Variants in GLRA2 observed in about 807,000 individuals in gnomAD.
The protein encoded by GLRA2 is glycine receptor alpha 2.
Under a neutral mutation model 31.6 loss-of-function variants are expected in GLRA2, and 11 were observed. That is an observed-to-expected ratio of 0.35 (90% CI 0.22 to 0.58). GLRA2 has a LOEUF of 0.58. Among genes scored for constraint, GLRA2 ranks in the 20% least tolerant of loss-of-function variants. The pLI, the probability that GLRA2 is intolerant of heterozygous loss-of-function variation, is 0.84. For missense variants in GLRA2, 212 were observed against 351.8 expected, an observed-to-expected ratio of 0.60 and a Z score of 3.18; for synonymous variants, 132 against 134.0, an observed-to-expected ratio of 0.99 and a Z score of 0.10.
chrX:14,549,156 A>T (rs2089522106), intron 2 of GLRA2, among the ~76,000 whole-genome samples: 1 of 111,993 alleles, frequency 8.9e-6, no homozygotes, highest in African/African-American at 3.2e-5. Flanking sequence ...ATTGAGAGCA[A>T]ATAGGTGTTC....
intron 7 of GLRA2, among the ~76,000 whole-genome samples, chrX:14,616,098 C>T (rs1051825565): frequency 3.6e-5 from 4 of 111,595 alleles, no homozygotes; most frequent in Middle Eastern, 4.6e-3. Context: ...GTTGTCTTTC[C>T]CACCCTCAGA....
intron 3 of GLRA2, among the ~76,000 whole-genome samples, chrX:14,575,555 G>A (rs1297800194): frequency 9.2e-6 from 1 of 109,280 alleles, no homozygotes; most frequent in East Asian, 2.9e-4. Context: ...TCAAACTCCT[G>A]GGCTCAAACG....
At chrX:14,494,651 G>A in the GLRA2 span, among the ~76,000 whole-genome samples, 1 of 111,382 alleles carries the variant, frequency 9.0e-6, no homozygotes, top group Non-Finnish European at 1.9e-5. Flanking sequence ...GACTTTCACT[G>A]GAAAACTGGG....
chrX:14,483,443 AG>A, the GLRA2 span, among the ~76,000 whole-genome samples: 1 of 112,133 alleles, frequency 8.9e-6, no homozygotes, highest in East Asian at 2.8e-4. Context: ...CCTACTTCAT[AG>A]GGTTATAGTA....
At chrX:14,644,152 C>T (rs1053981033) in intron 7 of GLRA2, among the ~76,000 whole-genome samples, 1 of 111,817 alleles carries the variant, frequency 8.9e-6, no homozygotes, top group Non-Finnish European at 1.9e-5. Context: ...TTTCTCTACA[C>T]TCCTGACCTC....
chrX:14,574,734 A>G lies in GLRA2; in HGVS notation c.270+334A>G, dbSNP rs191267113. On this transcript the variant is annotated intron_variant, in intron 3 of 8. Transcript: ENST00000218075. Reference sequence around the variant, plus strand: ...TAAAGTCATTTGTCAAGTGTTCATTACTTAATATTCAGTGATCTTATATCT... The same window carrying G: ...TAAAGTCATTTGTCAAGTGTTCATTGCTTAATATTCAGTGATCTTATATCT... Among the ~76,000 whole-genome samples, 619 of 112,194 alleles carry G rather than the reference A, an allele frequency of 5.5e-3. 3 individuals are homozygous for G. Among genetic ancestry groups the G allele is most frequent in the Non-Finnish European group, 9.6e-3 (513 of 53,284 alleles).
chrX:14,496,793 G>A, the GLRA2 span, among the ~76,000 whole-genome samples: 4 of 111,549 alleles, frequency 3.6e-5, no homozygotes, highest in African/African-American at 9.8e-5. Flanking sequence ...CAGCTCAACC[G>A]TGAACCTAGA....
rs995170803 is a variant in GLRA2, at chrX:14,558,825, A to AT, written c.203-15493dup. 5.2e-3 allele frequency among the ~76,000 whole-genome samples: 520 copies of AT among 100,806 alleles called. 3 individuals are homozygous for AT. Among genetic ancestry groups the AT allele is most frequent in the Middle Eastern group, 0.025 (5 of 197 alleles). The allele number at this position is 100,806 out of a possible 115,157, so 87.5% of individuals were successfully genotyped here. On this transcript the variant is annotated intron_variant, in intron 2 of 8. Coordinates refer to ENST00000218075, the MANE Select transcript of GLRA2 (RefSeq NM_002063.4). The stretch of plus-strand genomic sequence containing the variant: ...GTGTTAATTAATTGCTTTGTCTAGA[A>AT]TTTTTTTTTTTTTTTCTGAGACAGA...
chrX:14,624,349 C>A (rs1414911061), intron 7 of GLRA2, among the ~76,000 whole-genome samples: 1 of 111,492 alleles, frequency 9.0e-6, no homozygotes, highest in African/African-American at 3.3e-5. Flanking sequence ...TCTCTATCTC[C>A]TTCAGTTCTG....
At chrX:14,559,173 T>C (rs946947297) in intron 2 of GLRA2, among the ~76,000 whole-genome samples, 1 of 111,182 alleles carries the variant, frequency 9.0e-6, no homozygotes, top group Non-Finnish European at 1.9e-5. Context: ...CCAAAGCAAA[T>C]GGTTTTTGAT....
At position 14,532,319 on chromosome X, in the gene GLRA2, A is replaced by G; in HGVS notation, c.149A>G (p.Lys50Arg). 8.4e-7 allele frequency: 1 copy of G among 1,192,470 alleles called. No homozygotes were observed. Among genetic ancestry groups the G allele is most frequent in the Non-Finnish European group, 1.1e-6 (1 of 880,281 alleles). Residue 50 changes from lysine to arginine, a missense_variant, in exon 2 of 9, where the codon AAG becomes AGG. Physicochemically the swap from Lys to Arg is conservative, Grantham distance 26 (BLOSUM62 2). Coordinates refer to ENST00000218075, the MANE Select transcript of GLRA2 (RefSeq NM_002063.4). ...QTLSPSDFLDKLMGRTSGYDA... is the reference protein window; with the variant it reads ...QTLSPSDFLDRLMGRTSGYDA... ...CTATCTCCTTCAGATTTCTTGGACAAGTTAATGGGAAGGACATCAGGATAT... is the reference window on the plus strand; with the variant it reads ...CTATCTCCTTCAGATTTCTTGGACAGGTTAATGGGAAGGACATCAGGATAT...
intron 8 of GLRA2, among the ~76,000 whole-genome samples, chrX:14,728,312 G>A (rs2091950860): frequency 9.0e-6 from 1 of 111,122 alleles, no homozygotes; most frequent in South Asian, 3.8e-4. Flanking sequence ...AGGATCACTT[G>A]AGCCCAGGAG....
chrX:14,540,988 C>A (rs751476445), intron 2 of GLRA2, among the ~76,000 whole-genome samples: 1 of 108,738 alleles, frequency 9.2e-6, no homozygotes, highest in African/African-American at 3.3e-5. Context: ...GAGAGAGACG[C>A]GGAGGGAGAA....
At chrX:14,532,840 G>A (rs1054557709) in intron 2 of GLRA2, among the ~76,000 whole-genome samples, 2 of 111,476 alleles carry the variant, frequency 1.8e-5, no homozygotes, top group Admixed American at 9.5e-5. Context: ...TTTAGACTTC[G>A]TAAGAAGAGG....
At chrX:14,458,614 G>T in the GLRA2 span, among the ~76,000 whole-genome samples, 1 of 112,387 alleles carries the variant, frequency 8.9e-6, no homozygotes, top group African/African-American at 3.2e-5. Flanking sequence ...GCATTTCTCT[G>T]ATGGCCAGTG....
chrX:14,472,864 A>G, the GLRA2 span, among the ~76,000 whole-genome samples: 1 of 111,195 alleles, frequency 9.0e-6, no homozygotes. Flanking sequence ...GTTGGTGGGA[A>G]TGCTAATATA....
chrX:14,724,399 G>A (rs1274244360), intron 8 of GLRA2, among the ~76,000 whole-genome samples: 3 of 109,828 alleles, frequency 2.7e-5, no homozygotes, highest in African/African-American at 6.7e-5. Flanking sequence ...GCCGAAGCGG[G>A]TGCATCACCG....
At chrX:14,476,198 C>T in the GLRA2 span, among the ~76,000 whole-genome samples, 1 of 112,356 alleles carries the variant, frequency 8.9e-6, no homozygotes, top group African/African-American at 3.2e-5. Flanking sequence ...GATCCACAAA[C>T]CTAAGGAAAT....
At chrX:14,659,002 A>G (rs2090966851) in intron 7 of GLRA2, among the ~76,000 whole-genome samples, 1 of 112,063 alleles carries the variant, frequency 8.9e-6, no homozygotes, top group Non-Finnish European at 1.9e-5. Flanking sequence ...CCCTGAGTTT[A>G]GCCAGACTAG....
Sources: gnomAD v4.1 joint callset for allele counts (sites outside exome capture counted in the v4.1 genomes callset) on GRCh38, gnomAD v4.1.1 for gene constraint, MANE v1.5 for transcripts, NCBI Gene and HGNC (gene_info 2026-07-23, HGNC 2026-07-21) for gene names.